Variants in MFAP4 observed in about 807,000 individuals in gnomAD.
MFAP4 encodes microfibril associated protein 4, also known as microfibril-associated glycoprotein 4.
MFAP4 carries 20 observed loss-of-function variants against 32.4 expected under a neutral mutation model. That is an observed-to-expected ratio of 0.62 (90% CI 0.43 to 0.90). MFAP4 has a LOEUF of 0.90. Among genes scored for constraint, MFAP4 ranks in the 40% least tolerant of loss-of-function variants. The pLI, the probability that MFAP4 is intolerant of heterozygous loss-of-function variation, is 0.00. For synonymous variants in MFAP4, 146 were observed against 137.4 expected, an observed-to-expected ratio of 1.06 and a Z score of -0.44; for missense variants, 267 against 329.5, an observed-to-expected ratio of 0.81 and a Z score of 1.47.
Position 19,383,927 on chromosome 17 carries a change from C to A in MFAP4, c.*535G>T. 6.2e-6 allele frequency: 1 copy of A among 161,742 alleles called. No homozygotes were observed. The allele number at this position is 161,742 out of a possible 1,614,324, so 10.0% of individuals were successfully genotyped here. A position where few individuals can be genotyped will look rare whatever the true frequency, so the allele number is the denominator to read the frequency against. The stretch of plus-strand genomic sequence containing the variant: ...TGGGCTGGGGTTCCACGGTACTCAC[C>A]ACAGGGGAGTAAGTTGGTGGGAGGG... On this transcript the variant is annotated 3_prime_UTR_variant, in exon 6 of 6. Transcript: ENST00000299610.
At chr17:19,386,612 C>A in intron 2 of MFAP4, 148 bp from the exon 3 acceptor site, 2 of 1,231,948 alleles carry the variant, frequency 1.6e-6, no homozygotes, top group Admixed American at 2.0e-5. Flanking sequence ...ATGAGCAATG[C>A]TTATGTCATC....
rs748651619 is a variant in MFAP4, at chr17:19,385,089, C to T, written c.520+10G>A. On this transcript the variant is annotated intron_variant, in intron 5 of 5. Transcript: ENST00000299610. The stretch of plus-strand genomic sequence containing the variant: ...TCACAGCCCCTCCCAAAGCTAACAG[C>T]GGGTTATACCTGCCCCGCCATCCTC... 2.6e-5 allele frequency: 42 copies of T among 1,609,196 alleles called. No homozygotes were observed. Among genetic ancestry groups the T allele is most frequent in the African/African-American group, 6.7e-5 (5 of 74,854 alleles).
rs2152295983 is a variant in MFAP4 at position 19,386,382 on chromosome 17, G to A, written c.168C>T (p.Leu56=). 3.7e-6 allele frequency: 6 copies of A among 1,613,794 alleles called. No individual in the cohort carries two copies. The East Asian group carries it at 1.1e-4, about 30-fold the overall frequency. Residue 56 remains leucine (L), a synonymous_variant, in exon 3 of 6, where the codon CTC becomes CTT. Coordinates refer to ENST00000299610, the MANE Select transcript of MFAP4 (RefSeq NM_002404.3). ...AQGYQSDGVY[L]IYPSGPSVPV... ...GCACACTGGGGCCCGAGGGGTAGAT[G>A]AGGTACACGCCGTCTGACTGGTAGC...
chr17:19,384,106 G>A lies in MFAP4; in HGVS notation c.*356C>T. ...CACAGTGAGGAAGCAGGACAAGATG[G>A]ACCACAAAGGCCTGCAGCTGGGAGA... On this transcript the variant is annotated 3_prime_UTR_variant, in exon 6 of 6. Transcript: ENST00000299610. 1 of 332,032 alleles carries A rather than the reference G, an allele frequency of 3.0e-6. No homozygotes were observed. The highest frequency in any genetic ancestry group is 4.2e-5 in the Admixed American group (1 of 23,842). The allele number at this position is 332,032 out of a possible 1,614,324, so 20.6% of individuals were successfully genotyped here.
At chr17:19,386,124 A>G (rs573610704) in intron 3 of MFAP4, among the ~76,000 whole-genome samples, 186 bp downstream of exon 3, 30 of 152,206 alleles carry the variant, frequency 2.0e-4, no homozygotes, top group African/African-American at 7.2e-4. Context: ...TCCGCCTCAA[A>G]ACAAACAAAC....
In MFAP4 at chr17:19,385,430, A is replaced by T; in HGVS notation, c.265T>A (p.Ser89Thr). The change falls in exon 4 of 6, where the codon TCA (serine) becomes ACA (threonine). Residue 89 changes from serine to threonine, a missense_variant. Coordinates refer to ENST00000299610, the MANE Select transcript of MFAP4 (RefSeq NM_002404.3). ...WTVFQKRFNG[S>T]VSFFRGWNDY... ...TTCCAGCCGCGGAAGAAACTTACTG[A>T]GCCATTGAATCTCTTCTGGAAAACC... 1 of 1,614,204 alleles carries T rather than the reference A, an allele frequency of 6.2e-7. No homozygotes were observed.
In MFAP4 at chr17:19,385,367, A is replaced by C. The variant is rs1702789702; in HGVS notation, c.328T>G (p.Tyr110Asp). 6.2e-7 allele frequency: 1 copy of C among 1,614,002 alleles called. No individual in the cohort carries two copies. Among genetic ancestry groups the C allele is most frequent in the Non-Finnish European group, 8.5e-7 (1 of 1,180,026 alleles). ...CTGGTCCCTGCCTTACCCAGCCAGTACTCTCCATCAGCACGGCCGAAGCCC... is the reference window on the plus strand; with the variant it reads ...CTGGTCCCTGCCTTACCCAGCCAGTCCTCTCCATCAGCACGGCCGAAGCCC... ...KLGFGRADGE[Y>D]WLGLQNMHLL... Residue 110 changes from tyrosine (Y) to aspartate (D), a missense_variant, in exon 4 of 6, where the codon TAC becomes GAC. Tyr to Asp is a radical substitution (Grantham distance 160). Around this residue, in one of 3 missense-constraint regions of MFAP4, gnomAD observed 223 missense variants for 253.3 expected, o/e 0.88. Transcript: ENST00000299610.
At chr17:19,385,601 G>A (rs1162885792) in intron 3 of MFAP4, 147 bp from the exon 4 acceptor site, 4 of 735,786 alleles carry the variant, frequency 5.4e-6, no homozygotes, top group Non-Finnish European at 7.0e-6. Context: ...GGTGGGAGTG[G>A]GGTTGCTAAA....
At chr17:19,386,705 C>G in intron 2 of MFAP4, 55 bp downstream of exon 2, 2 of 1,533,730 alleles carry the variant, frequency 1.3e-6, no homozygotes, top group Non-Finnish European at 1.8e-6. Flanking sequence ...ACAGTCCAGC[C>G]TCTTCTTGCA....
Position 19,384,671 on chromosome 17 carries a change from T to C in MFAP4, c.559A>G (p.Thr187Ala), listed in dbSNP as rs749678716. The change falls in exon 6 of 6, where the codon ACC (threonine) becomes GCC (alanine). Residue 187 changes from threonine to alanine, a missense_variant. Physicochemically the swap from Thr to Ala is moderately conservative, Grantham distance 58. Transcript: ENST00000299610. ...LSYHSGQKFSTFDRDQDLFVQ... is the reference protein window; with the variant it reads ...LSYHSGQKFSAFDRDQDLFVQ... ...AAGAGGTCCTGGTCCCGGTCGAAGG[T>C]AGAGAACTTCTGGCCACTGTGGTAG... 5.0e-6 allele frequency: 8 copies of C among 1,613,902 alleles called. No individual in the cohort carries two copies. Among genetic ancestry groups the C allele is most frequent in the Non-Finnish European group, 8.5e-7 (1 of 1,179,958 alleles).
chr17:19,386,555 C>A, intron 2 of MFAP4, 91 bp from the exon 3 acceptor site: 1 of 1,452,496 alleles, frequency 6.9e-7, no homozygotes, highest in South Asian at 1.3e-5. Flanking sequence ...GTCCCTGGGG[C>A]TGGGGGACTT....
rs908346143 is a variant in MFAP4, at chr17:19,386,911, C to A, written c.7-73G>T. ...GATCCCCTGTTCTCTTTGCATTTGC[C>A]CCCACCATGCATGCACATACTGCCC... On this transcript the variant is annotated intron_variant, in intron 1 of 5. Coordinates refer to ENST00000299610, the MANE Select transcript of MFAP4 (RefSeq NM_002404.3). The A allele has an allele frequency of 4.0e-6, 6 of 1,486,252 alleles. No homozygotes were observed. The East Asian group carries it at 1.2e-4, about 31-fold the overall frequency. The allele number at this position is 1,486,252 out of a possible 1,614,324, so 92.1% of individuals were successfully genotyped here.
intron 3 of MFAP4, among the ~76,000 whole-genome samples, 173 bp downstream of exon 3, chr17:19,386,137 A>ACAAT (rs754718091): frequency 1.6e-4 from 25 of 152,292 alleles, no homozygotes; most frequent in Admixed American, 3.3e-4. Flanking sequence ...AAACAAACAA[A>ACAAT]CACCTACCTC....
intron 3 of MFAP4, 145 bp downstream of exon 3, chr17:19,386,165 C>T (rs914506247): frequency 1.5e-5 from 11 of 726,562 alleles, no homozygotes; most frequent in Middle Eastern, 8.2e-4. Flanking sequence ...TAGAATTAAG[C>T]GTTGGCAGCT....
At chr17:19,386,869 C>A in intron 1 of MFAP4, 31 bp from the exon 2 acceptor site, 1 of 1,545,834 alleles carries the variant, frequency 6.5e-7, no homozygotes, top group Non-Finnish European at 8.8e-7. Context: ...TCAGCACAGC[C>A]CCTTCCCAGC....
At chr17:19,386,208 C>A (rs1005279632) in intron 3 of MFAP4, 102 bp downstream of exon 3, 14 of 1,100,246 alleles carry the variant, frequency 1.3e-5, no homozygotes, top group Non-Finnish European at 1.8e-5. Flanking sequence ...ATCATTATCC[C>A]CATTTTAAAG....
chr17:19,385,234 G>A lies in MFAP4; in HGVS notation c.385C>T (p.Arg129Ter), dbSNP rs143106589. The A allele has an allele frequency of 3.1e-6, 5 of 1,614,152 alleles. No individual in the cohort carries two copies. The African/African-American group carries it at 4.0e-5, about 13-fold the overall frequency. The change falls in exon 5 of 6, where the codon CGA (arginine) becomes TGA (stop). Residue 129 changes from arginine to a stop codon, truncating the protein, a stop_gained. Transcript: ENST00000299610. LOFTEE classifies it high-confidence loss of function. ...TTCTCAAAGTCCTCCAAGTCCACTCGCAGCTCATACTTCTGCTTCAGTGTC... is the reference window on the plus strand; with the variant it reads ...TTCTCAAAGTCCTCCAAGTCCACTCACAGCTCATACTTCTGCTTCAGTGTC... ...LLTLKQKYEL[R>*]VDLEDFENNT...
intron 2 of MFAP4, 145 bp downstream of exon 2, chr17:19,386,615 A>T (rs531845604): frequency 8.2e-7 from 1 of 1,226,860 alleles, no homozygotes; most frequent in South Asian, 1.3e-5. Flanking sequence ...AGCAATGCTT[A>T]TGTCATCCAT....
In MFAP4 at chr17:19,386,474, G is replaced by A. The variant is rs1273839899; in HGVS notation, c.86-10C>T. 1 of 1,606,254 alleles carries A rather than the reference G, an allele frequency of 6.2e-7. No individual in the cohort carries two copies. ...CAAAACCTCTCCAGAGCTGGGGGTA[G>A]GGACATGGGGACAGTGAGGAGAGTG... On this transcript the variant is annotated splice_polypyrimidine_tract_variant and intron_variant, in intron 2 of 5. Coordinates refer to ENST00000299610, the MANE Select transcript of MFAP4 (RefSeq NM_002404.3).
Sources: allele counts gnomAD v4.1 joint callset (sites outside exome capture counted in the v4.1 genomes callset), GRCh38; gene constraint gnomAD v4.1.1; regional missense constraint gnomAD v4.1.1; transcripts MANE v1.5; gene names NCBI Gene and HGNC (gene_info 2026-07-23, HGNC 2026-07-21).